Variants in PCDH9 observed in about 807,000 individuals in gnomAD.
The protein encoded by PCDH9 is protocadherin 9.
A neutral mutation model predicts 70.6 loss-of-function variants in PCDH9; 24 were observed. The observed-to-expected ratio is 0.34, with a 90% confidence interval of 0.25 to 0.48. The LOEUF is 0.48. Among genes scored for constraint, PCDH9 ranks in the 20% least tolerant of loss-of-function variants. PCDH9 has a pLI of 0.99. For synonymous variants in PCDH9, 562 were observed against 558.5 expected (o/e 1.01, Z -0.09); for missense variants, 1,281 against 1,503.6 (o/e 0.85, Z 2.45).
chr13:66,628,533 G>T (rs2077527770), intron 4 of PCDH9, among the ~76,000 whole-genome samples: 1 of 152,168 alleles, frequency 6.6e-6, no homozygotes. Context: ...AGGTGGTCTT[G>T]CTCTGTTTCC....
At chr13:66,494,579 C>T (rs1321056175) in intron 4 of PCDH9, among the ~76,000 whole-genome samples, 1 of 152,144 alleles carries the variant, frequency 6.6e-6, no homozygotes, top group Admixed American at 6.5e-5. Context: ...CTCTGTCTCT[C>T]ACTCTCTCCA....
chr13:67,137,359 C>T (rs1437037737), intron 2 of PCDH9, among the ~76,000 whole-genome samples: 2 of 152,112 alleles, frequency 1.3e-5, no homozygotes, highest in Non-Finnish European at 2.9e-5. Context: ...AAACTGTAAG[C>T]TCAACGGAAT....
At chr13:67,175,458 G>A (rs1329728253) in intron 2 of PCDH9, among the ~76,000 whole-genome samples, 1 of 152,034 alleles carries the variant, frequency 6.6e-6, no homozygotes, top group Non-Finnish European at 1.5e-5. Flanking sequence ...GAACAAACAG[G>A]GGCTATACAA....
chr13:66,744,395 A>T (rs1336374469), intron 3 of PCDH9, among the ~76,000 whole-genome samples: 1 of 152,194 alleles, frequency 6.6e-6, no homozygotes, highest in Non-Finnish European at 1.5e-5. Context: ...AGTAAAGGTT[A>T]TCAGTGTTAT....
chr13:66,599,770 T>A (rs2138841342), intron 4 of PCDH9, among the ~76,000 whole-genome samples: 1 of 151,988 alleles, frequency 6.6e-6, no homozygotes, highest in African/African-American at 2.4e-5. Flanking sequence ...GATTGTACTC[T>A]TTTTAATTGT....
chr13:66,718,036 G>T (rs1412999340), intron 3 of PCDH9, among the ~76,000 whole-genome samples: 1 of 152,132 alleles, frequency 6.6e-6, no homozygotes, highest in East Asian at 1.9e-4. Flanking sequence ...GTTGAAAAAG[G>T]GTACATTGAT....
chr13:66,611,644 C>A (rs557408375), intron 4 of PCDH9, among the ~76,000 whole-genome samples: 1 of 152,180 alleles, frequency 6.6e-6, no homozygotes, highest in South Asian at 2.1e-4. Context: ...ATTCAAGATA[C>A]ACTAAAGGAA....
At chr13:66,622,091 G>A (rs2077429578) in intron 4 of PCDH9, among the ~76,000 whole-genome samples, 1 of 152,236 alleles carries the variant, frequency 6.6e-6, no homozygotes, top group Non-Finnish European at 1.5e-5. Context: ...TTAGCACCCG[G>A]GCCAGCGGCT....
At chr13:66,835,462 G>A (rs879775985) in intron 3 of PCDH9, among the ~76,000 whole-genome samples, 6 of 152,192 alleles carry the variant, frequency 3.9e-5, no homozygotes, top group East Asian at 1.9e-4. Context: ...GCAAAGTCAC[G>A]ACATTTGTAT....
In PCDH9 at chr13:66,593,781, T is replaced by C. The variant is rs539646622; in HGVS notation, c.3340+37429A>G. On this transcript the variant is annotated intron_variant, in intron 4 of 4. Coordinates refer to ENST00000377865, the MANE Select transcript of PCDH9 (RefSeq NM_203487.3). ...GAAAACCAAAGAGAATAAATAATTT[T>C]TCAAAGGATGAAATTGATTTGTGAT... 1.5e-4 allele frequency among the ~76,000 whole-genome samples: 23 copies of C among 151,828 alleles called. 1 individual carries two copies. In the South Asian group the frequency reaches 4.6e-3, roughly 30 times the overall value.
chr13:66,804,703 ATTAC>A (rs532810636), intron 3 of PCDH9, among the ~76,000 whole-genome samples: 2 of 152,144 alleles, frequency 1.3e-5, no homozygotes, highest in Non-Finnish European at 2.9e-5. Flanking sequence ...CTATATAAAA[ATTAC>A]TTATTTCATT....
intron 2 of PCDH9, among the ~76,000 whole-genome samples, chr13:67,148,193 C>T (rs2087569401): frequency 7.1e-6 from 1 of 141,778 alleles, no homozygotes; most frequent in African/African-American, 2.6e-5. Context: ...TTAAGGCTAC[C>T]TCCATGTCTT....
chr13:66,465,559 C>T (rs1958500647), intron 4 of PCDH9, among the ~76,000 whole-genome samples: 1 of 151,810 alleles, frequency 6.6e-6, no homozygotes, highest in East Asian at 1.9e-4. Flanking sequence ...GTTTTATTCA[C>T]ATCAAATTTC....
At chr13:66,812,889 C>A (rs1314386625) in intron 3 of PCDH9, among the ~76,000 whole-genome samples, 1 of 152,184 alleles carries the variant, frequency 6.6e-6, no homozygotes, top group Non-Finnish European at 1.5e-5. Context: ...TGGCAACCAT[C>A]ACAGGCACCA....
chr13:67,151,907 C>T (rs2138388150), intron 2 of PCDH9, among the ~76,000 whole-genome samples: 1 of 152,068 alleles, frequency 6.6e-6, no homozygotes, highest in Middle Eastern at 3.4e-3. Flanking sequence ...GTCCTTGCAT[C>T]ATCATTTTGC....
chr13:66,943,038 G>A (rs923507502), intron 2 of PCDH9, among the ~76,000 whole-genome samples: 2 of 151,930 alleles, frequency 1.3e-5, no homozygotes, highest in East Asian at 3.9e-4. Flanking sequence ...CTAATTTGAG[G>A]AGCATTATGA....
At chr13:66,950,845 C>T (rs982510791) in intron 2 of PCDH9, among the ~76,000 whole-genome samples, 5 of 152,078 alleles carry the variant, frequency 3.3e-5, no homozygotes, top group Admixed American at 2.0e-4. Flanking sequence ...ATCTATCTAT[C>T]CATCTGTCAT....
chr13:67,208,170 C>T (rs1432496539), intron 2 of PCDH9: 2 of 152,192 alleles, frequency 1.3e-5, no homozygotes, highest in African/African-American at 4.8e-5. Context: ...CTAACCTTGC[C>T]AGATACTGCT....
chr13:66,913,293 T>C (rs1001812918), intron 2 of PCDH9, among the ~76,000 whole-genome samples: 29 of 152,004 alleles, frequency 1.9e-4, no homozygotes, highest in Admixed American at 1.8e-3. Context: ...AAGTTCTTTT[T>C]TTTATAGTGC....
Sources: allele counts gnomAD v4.1 joint callset (sites outside exome capture counted in the v4.1 genomes callset), GRCh38; gene constraint gnomAD v4.1.1; transcripts MANE v1.5; gene names NCBI Gene and HGNC (gene_info 2026-07-23, HGNC 2026-07-21).